The following SLC1A6 variants were observed in gnomAD, a reference collection of about 807,000 sequenced individuals.
SLC1A6 encodes excitatory amino acid transporter 4.
Under a neutral mutation model 42.1 loss-of-function variants are expected in SLC1A6, and 15 were observed. That is an observed-to-expected ratio of 0.36 (90% CI 0.24 to 0.55). The LOEUF is 0.55. Among genes scored for constraint, SLC1A6 ranks in the 20% least tolerant of loss-of-function variants. SLC1A6 has a pLI of 0.88. For synonymous variants in SLC1A6, 317 were observed against 319.7 expected (o/e 0.99, Z 0.09); for missense variants, 542 against 772.5 (o/e 0.70, Z 3.54).
chr19:15,004,570 T>C (rs1476460838), intron 1 of SLC1A6, among the ~76,000 whole-genome samples: 2 of 149,104 alleles, frequency 1.3e-5, no homozygotes, highest in Admixed American at 1.3e-4. Context: ...TGTGATGGCA[T>C]GCACCTGTAG....
At position 14,979,826 on chromosome 19, in the gene SLC1A6, G is replaced by A. The variant is rs1163212042; in HGVS notation, c.-525C>T. 6.6e-6 allele frequency: 1 copy of A among 151,882 alleles called. No homozygotes were observed. Among genetic ancestry groups the A allele is most frequent in the Admixed American group, 6.5e-5 (1 of 15,268 alleles). The allele number at this position is 151,882 out of a possible 1,614,324, so 9.4% of individuals were successfully genotyped here. A position where few individuals can be genotyped will look rare whatever the true frequency, so the allele number is the denominator to read the frequency against. On this transcript the variant is annotated 5_prime_UTR_variant, in exon 1 of 10. Coordinates refer to ENST00000594383, the MANE Select transcript of SLC1A6 (RefSeq NM_005071.3). The surrounding 1 kb of genome is among the most constrained non-coding windows in gnomAD (Gnocchi z 4.2). ...CCAGCCCAGGCTCCGCAGCCGTGTG[G>A]GAGAAGGGGGACAGCGTGCTTGCGA...
At chr19:14,968,596 A>C in intron 3 of SLC1A6, 89 bp from the exon 4 acceptor site, 1 of 1,138,926 alleles carries the variant, frequency 8.8e-7, no homozygotes, top group Admixed American at 2.4e-5. Flanking sequence ...CATATCACCA[A>C]CTCAACAGCC....
intron 1 of SLC1A6, among the ~76,000 whole-genome samples, chr19:14,995,096 G>T (rs11671369): frequency 6.6e-6 from 1 of 151,926 alleles, no homozygotes; most frequent in East Asian, 1.9e-4. Context: ...AGGCCAAGAC[G>T]GGTGGATCAC....
At chr19:14,960,846 T>C (rs1050645324) in intron 6 of SLC1A6, among the ~76,000 whole-genome samples, 1 of 152,062 alleles carries the variant, frequency 6.6e-6, no homozygotes, top group African/African-American at 2.4e-5. Context: ...AAGAGATCTA[T>C]TGGACAACAT....
At chr19:14,990,801 A>AC (rs2045816496) in intron 1 of SLC1A6, among the ~76,000 whole-genome samples, 1 of 151,804 alleles carries the variant, frequency 6.6e-6, no homozygotes, top group Non-Finnish European at 1.5e-5. Context: ...AAAAAAAAAA[A>AC]CGAATAATTT....
At chr19:14,996,053 T>C (rs1446479300) in intron 1 of SLC1A6, among the ~76,000 whole-genome samples, 2 of 152,088 alleles carry the variant, frequency 1.3e-5, no homozygotes, top group African/African-American at 4.8e-5. Context: ...GTAGAAAAAA[T>C]TCAACCAAAT....
intron 1 of SLC1A6, among the ~76,000 whole-genome samples, chr19:14,993,712 G>A (rs1257327462): frequency 3.3e-5 from 5 of 152,248 alleles, no homozygotes; most frequent in African/African-American, 1.2e-4. Flanking sequence ...CAATGGGTAA[G>A]ACAGCAGAAG....
At chr19:14,991,847 T>C (rs546852133) in intron 1 of SLC1A6, among the ~76,000 whole-genome samples, 1 of 110,138 alleles carries the variant, frequency 9.1e-6, no homozygotes, top group Non-Finnish European at 1.9e-5. Flanking sequence ...TTTCTTTTTT[T>C]TTTTTTTCTA....
chr19:14,976,913 G>A (rs1331371083), intron 1 of SLC1A6: 1 of 151,852 alleles, frequency 6.6e-6, no homozygotes, highest in Non-Finnish European at 1.5e-5. Context: ...TGGGAAATCT[G>A]CCCTGATTTT....
At chr19:14,965,574 G>C (rs1318473909) in intron 4 of SLC1A6, among the ~76,000 whole-genome samples, 2 of 152,172 alleles carry the variant, frequency 1.3e-5, no homozygotes, top group Non-Finnish European at 1.5e-5. Context: ...AATAGGCTGG[G>C]TGCAGTGGCT....
upstream of SLC1A6, among the ~76,000 whole-genome samples, chr19:14,982,361 A>G (rs1020549098): frequency 3.3e-5 from 5 of 152,024 alleles, no homozygotes; most frequent in South Asian, 1.0e-3. Context: ...GAAACCCCGT[A>G]TCTACTAAAA....
chr19:14,979,058 A>ACACACT lies in SLC1A6; in HGVS notation c.-8+250_-8+251insAGTGTG, dbSNP rs2045743997. Among the ~76,000 whole-genome samples, 1 of 67,576 alleles carries ACACACT rather than the reference A, an allele frequency of 1.5e-5. No homozygotes were observed. 44.3% of individuals were successfully genotyped at this position (67,576 alleles called of 152,430 possible). On this transcript the variant is annotated intron_variant, in intron 1 of 9. Transcript: ENST00000594383. This position sits in a 1 kb window ranked among gnomAD's most constrained non-coding sequence, Gnocchi z 4.2. ...GTCTCTCTCTCTCTCTGTCACACAC[A>ACACACT]CACACACACACACACACACACACAC...
chr19:14,982,720 G>T (rs116283894), upstream of SLC1A6, among the ~76,000 whole-genome samples: 520 of 152,252 alleles, frequency 3.4e-3, 6 homozygotes, highest in African/African-American at 0.012. Context: ...ATCTAAAACT[G>T]TTCTCAGAAA....
chr19:14,984,832 A>G (rs1279067754), upstream of SLC1A6, among the ~76,000 whole-genome samples: 1 of 152,256 alleles, frequency 6.6e-6, no homozygotes, highest in Non-Finnish European at 1.5e-5. Flanking sequence ...AAGTTCTCAG[A>G]GTCGTGAATA....
intron 1 of SLC1A6, chr19:14,974,876 G>A (rs926626862): frequency 1.3e-5 from 2 of 150,704 alleles, no homozygotes; most frequent in African/African-American, 4.9e-5. Context: ...ACCTGAGACA[G>A]AATGTCGCTC....
chr19:14,995,089 C>T (rs2145235409), intron 1 of SLC1A6, among the ~76,000 whole-genome samples: 1 of 152,166 alleles, frequency 6.6e-6, no homozygotes, highest in South Asian at 2.1e-4. Context: ...CTTTGGGAGG[C>T]CAAGACGGGT....
At chr19:14,973,017 G>A in intron 1 of SLC1A6, 100 bp from the exon 2 acceptor site, 1 of 934,638 alleles carries the variant, frequency 1.1e-6, no homozygotes, top group Middle Eastern at 3.4e-4. Flanking sequence ...GCTTCCTGAG[G>A]ACTCTCAGAA....
chr19:14,963,275 T>C (rs540071009), intron 5 of SLC1A6, among the ~76,000 whole-genome samples: 2 of 152,038 alleles, frequency 1.3e-5, no homozygotes, highest in East Asian at 3.9e-4. Context: ...AAGCAGAAAA[T>C]AGAATAGTGC....
At chr19:14,997,946 C>CT (rs1009864383) in intron 1 of SLC1A6, among the ~76,000 whole-genome samples, 17 of 150,146 alleles carry the variant, frequency 1.1e-4, no homozygotes, top group Admixed American at 4.0e-4. Context: ...ATCTTCATGT[C>CT]TTTTTTTTTA....
Sources: gnomAD v4.1 joint callset for allele counts (sites outside exome capture counted in the v4.1 genomes callset) on GRCh38, gnomAD v4.1.1 for gene constraint, Gnocchi (gnomAD v3.1) non-coding constraint, MANE v1.5 for transcripts, NCBI Gene and HGNC (gene_info 2026-07-23, HGNC 2026-07-21) for gene names.